MARK1: variants seen among roughly 807,000 people sequenced by gnomAD.
MARK1 encodes serine/threonine-protein kinase MARK1.
A neutral mutation model predicts 96.3 loss-of-function variants in MARK1; 40 were observed. The observed-to-expected ratio is 0.42, with a 90% CI of 0.32 to 0.54. MARK1 has a LOEUF of 0.54. Ranked by LOEUF, MARK1 falls within the 20% of genes least tolerant of loss-of-function variation. The probability of loss-of-function intolerance (pLI) is 0.16; values close to 1 mark genes in which losing one functional copy is unlikely to be tolerated. For missense variants in MARK1, 719 were observed against 984.6 expected, an observed-to-expected ratio of 0.73 and a Z score of 3.61; for synonymous variants, 317 against 341.2, an observed-to-expected ratio of 0.93 and a Z score of 0.78.
At chr1:220,624,475 G>A (rs1330804869) in intron 9 of MARK1, among the ~76,000 whole-genome samples, 1 of 151,268 alleles carries the variant, frequency 6.6e-6, no homozygotes, top group African/African-American at 2.4e-5. Context: ...GCCCATGCCT[G>A]TAATCCCAGC....
chr1:220,553,819 C>A (rs1662049544), intron 1 of MARK1, among the ~76,000 whole-genome samples: 1 of 152,132 alleles, frequency 6.6e-6, no homozygotes, highest in South Asian at 2.1e-4. Context: ...CATAAGGGGC[C>A]CACCAGAGGC....
intron 13 of MARK1, among the ~76,000 whole-genome samples, chr1:220,647,409 G>A (rs1384549859): frequency 6.6e-6 from 1 of 152,092 alleles, no homozygotes; most frequent in Admixed American, 6.6e-5. Flanking sequence ...ACAGATGCTG[G>A]CAAGGTTTCA....
At chr1:220,657,326 A>G (rs1669230877) in intron 16 of MARK1, among the ~76,000 whole-genome samples, 1 of 152,184 alleles carries the variant, frequency 6.6e-6, no homozygotes, top group African/African-American at 2.4e-5. Flanking sequence ...TAACTTCTAA[A>G]AGAAATTGCT....
At chr1:220,537,779 C>G (rs2102701551) in intron 1 of MARK1, among the ~76,000 whole-genome samples, 1 of 151,892 alleles carries the variant, frequency 6.6e-6, no homozygotes, top group African/African-American at 2.4e-5. Context: ...GATTGCCATT[C>G]TAACTGGTGT....
chr1:220,657,912 A>G, intron 17 of MARK1, 78 bp downstream of exon 17: 1 of 1,033,410 alleles, frequency 9.7e-7, no homozygotes, highest in Non-Finnish European at 1.3e-6. Context: ...ACAGCACTTA[A>G]TGATCATGAA....
intron 1 of MARK1, among the ~76,000 whole-genome samples, chr1:220,533,375 T>C (rs971009668): frequency 6.6e-6 from 1 of 152,158 alleles, no homozygotes; most frequent in Non-Finnish European, 1.5e-5. Context: ...TACGTCTTTT[T>C]TTTTTATAAA....
intron 1 of MARK1, among the ~76,000 whole-genome samples, chr1:220,542,225 C>G (rs774736707): frequency 6.6e-6 from 1 of 152,154 alleles, no homozygotes; most frequent in Non-Finnish European, 1.5e-5. Context: ...TTTATGATTT[C>G]ATCTTCATTT....
chr1:220,529,032 ATTC>A (rs1660124340), intron 1 of MARK1, among the ~76,000 whole-genome samples, 159 bp downstream of exon 1: 1 of 152,148 alleles, frequency 6.6e-6, no homozygotes, highest in African/African-American at 2.4e-5. Flanking sequence ...GCTCAGCCCT[ATTC>A]TTCATTCCAA....
chr1:220,633,709 G>A (rs1045157489), intron 11 of MARK1, among the ~76,000 whole-genome samples: 6 of 152,218 alleles, frequency 3.9e-5, no homozygotes, highest in Non-Finnish European at 1.5e-5. Context: ...AGAATTAACA[G>A]TAGCACTTGG....
chr1:220,607,614 A>G (rs1666163041), intron 6 of MARK1, among the ~76,000 whole-genome samples: 1 of 151,954 alleles, frequency 6.6e-6, no homozygotes, highest in African/African-American at 2.4e-5. Flanking sequence ...TTCAAAGGGA[A>G]TGCTTCCAGT....
At chr1:220,560,934 T>C (rs534080012) in intron 1 of MARK1, among the ~76,000 whole-genome samples, 1 of 152,286 alleles carries the variant, frequency 6.6e-6, no homozygotes, top group South Asian at 2.1e-4. Flanking sequence ...GGAGCTCATT[T>C]GTATATGTGT....
At chr1:220,631,279 T>G in intron 10 of MARK1, 145 bp downstream of exon 10, 2 of 524,202 alleles carry the variant, frequency 3.8e-6, no homozygotes, top group Non-Finnish European at 6.8e-6. Context: ...GATAATATGC[T>G]GAAAATTATA....
chr1:220,545,529 C>T (rs575367924), intron 1 of MARK1, among the ~76,000 whole-genome samples: 32 of 148,550 alleles, frequency 2.2e-4, no homozygotes, highest in Admixed American at 5.4e-4. Flanking sequence ...CTTGGCCTTC[C>T]GGGTTCAATC....
At chr1:220,612,876 A>G (rs1572175455) in intron 6 of MARK1, among the ~76,000 whole-genome samples, 1 of 152,286 alleles carries the variant, frequency 6.6e-6, no homozygotes, top group East Asian at 1.9e-4. Context: ...CTGAGCAGCC[A>G]TTGCCCATAC....
At chr1:220,555,417 T>C (rs747522168) in intron 1 of MARK1, among the ~76,000 whole-genome samples, 3 of 151,866 alleles carry the variant, frequency 2.0e-5, no homozygotes, top group Non-Finnish European at 4.4e-5. Flanking sequence ...GCAGAGAAAA[T>C]TGTTGGGAGG....
chr1:220,604,120 C>T lies in MARK1; in HGVS notation c.478C>T (p.Arg160Cys), dbSNP rs774804193. 1.9e-5 allele frequency: 31 copies of T among 1,610,374 alleles called. No individual in the cohort carries two copies. Among genetic ancestry groups the T allele is most frequent in the Non-Finnish European group, 2.4e-5 (28 of 1,177,942 alleles). ...AHGRMKEKEA[R>C]AKFRQIVSAV... ...TGGAAGAATGAAAGAGAAAGAGGCC[C>T]GTGCAAAATTTAGGCAGGTATGGAA... Residue 160 changes from arginine to cysteine, a missense_variant, in exon 6 of 18, where the codon CGT becomes TGT. Arg to Cys is a radical substitution (Grantham distance 180, BLOSUM62 -3). Transcript: ENST00000366917.
At chr1:220,611,398 C>G (rs529783650) in intron 6 of MARK1, among the ~76,000 whole-genome samples, 1 of 152,356 alleles carries the variant, frequency 6.6e-6, no homozygotes, top group South Asian at 2.1e-4. Context: ...GGGAGAGAAT[C>G]ACCTTGTCTG....
At chr1:220,557,199 A>T (rs1048485811) in intron 1 of MARK1, among the ~76,000 whole-genome samples, 4 of 152,256 alleles carry the variant, frequency 2.6e-5, no homozygotes, top group African/African-American at 9.6e-5. Context: ...AAATATTTTT[A>T]AAATGAAATA....
chr1:220,626,818 T>TAA, intron 9 of MARK1: 2 of 322,516 alleles, frequency 6.2e-6, no homozygotes, highest in Admixed American at 4.1e-5. Context: ...AGACTCCATC[T>TAA]CAAAAAAAAA....
Sources: gnomAD v4.1 joint callset for allele counts (sites outside exome capture counted in the v4.1 genomes callset) on GRCh38, gnomAD v4.1.1 for gene constraint, MANE v1.5 for transcripts, NCBI Gene and HGNC (gene_info 2026-07-23, HGNC 2026-07-21) for gene names.